SUPT3H: variants seen among roughly 807,000 people sequenced by gnomAD.
SUPT3H encodes transcription initiation protein SPT3 homolog.
SUPT3H carries 44 observed loss-of-function variants against 44.3 expected under a neutral mutation model. That is an observed-to-expected ratio of 0.99 (90% CI 0.78 to 1.28). The LOEUF (loss-of-function observed/expected upper bound fraction) is 1.28. Among genes scored for constraint, SUPT3H ranks in the 50% most tolerant of loss-of-function variants. SUPT3H has a pLI of 0.00. For missense variants in SUPT3H, 380 were observed against 387.1 expected (o/e 0.98, Z 0.15); for synonymous variants, 124 against 125.6 (o/e 0.99, Z 0.09).
chr6:45,084,657 T>C (rs981331505), intron 3 of SUPT3H, among the ~76,000 whole-genome samples: 5 of 152,128 alleles, frequency 3.3e-5, no homozygotes, highest in Admixed American at 3.3e-4. Flanking sequence ...AAACCACACA[T>C]GCACTCATGT....
At chr6:45,280,057 G>C (rs1386458337) in intron 2 of SUPT3H, among the ~76,000 whole-genome samples, 1 of 152,062 alleles carries the variant, frequency 6.6e-6, no homozygotes, top group Non-Finnish European at 1.5e-5. Context: ...AAATTATCTT[G>C]ACTCTTTTAA....
rs1803057422 is a variant in SUPT3H at position 45,129,420 on chromosome 6, C to G, written c.102-23414G>C. Reference sequence around the variant, plus strand: ...GATCTGGAATCAAGTCCTCGCACAACAAATTTCTAGTTATGTGGTCTCACA... The same window carrying G: ...GATCTGGAATCAAGTCCTCGCACAAGAAATTTCTAGTTATGTGGTCTCACA... On this transcript the variant is annotated intron_variant, in intron 2 of 10. Transcript: ENST00000371459. Among the ~76,000 whole-genome samples, 4 of 152,302 alleles carry G rather than the reference C, an allele frequency of 2.6e-5. 1 individual carries two copies. In the South Asian group the frequency reaches 8.3e-4, roughly 32 times the overall value.
chr6:45,162,324 G>A (rs1809134671), intron 2 of SUPT3H, among the ~76,000 whole-genome samples: 2 of 151,994 alleles, frequency 1.3e-5, no homozygotes, highest in African/African-American at 4.8e-5. Flanking sequence ...AGGAGTTTGA[G>A]GCAGGCCTGG....
intron 2 of SUPT3H, among the ~76,000 whole-genome samples, chr6:45,141,338 CAAAAAAAAA>C (rs1162738855): frequency 2.4e-4 from 11 of 45,284 alleles, no homozygotes; most frequent in South Asian, 1.6e-3. Flanking sequence ...GACTCCATCT[CAAAAAAAAA>C]AAAAAAAAAA....
At chr6:45,038,512 A>G (rs926461767) in intron 3 of SUPT3H, among the ~76,000 whole-genome samples, 1 of 152,158 alleles carries the variant, frequency 6.6e-6, no homozygotes, top group African/African-American at 2.4e-5. Flanking sequence ...AATGATTTCC[A>G]CTTCATCGTA....
At chr6:45,176,813 G>C (rs1361012362) in intron 2 of SUPT3H, among the ~76,000 whole-genome samples, 3 of 152,026 alleles carry the variant, frequency 2.0e-5, no homozygotes, top group Admixed American at 6.6e-5. Context: ...AGCAGGGGCA[G>C]ACTGACACAA....
Position 45,095,034 on chromosome 6 carries a change from G to A in SUPT3H, c.186+10888C>T, listed in dbSNP as rs778581017. On this transcript the variant is annotated intron_variant, in intron 3 of 10. Transcript: ENST00000371459. This position sits in a 1 kb window ranked among gnomAD's most constrained non-coding sequence, Gnocchi z 4.1. ...CTCCACAGTAGCAGACAGAAAGGCC[G>A]AGAATTTTTTCCCAGATGGTATTTG... Among the ~76,000 whole-genome samples, 7 of 152,148 alleles carry A rather than the reference G, an allele frequency of 4.6e-5. No individual in the cohort carries two copies. The highest frequency in any genetic ancestry group is 3.9e-4 in the East Asian group (2 of 5,170).
intron 2 of SUPT3H, among the ~76,000 whole-genome samples, chr6:45,228,749 G>C (rs1029145112): frequency 9.2e-5 from 14 of 152,004 alleles, no homozygotes; most frequent in African/African-American, 3.4e-4. Flanking sequence ...CCAGAGTTCA[G>C]GTGATTCTCC....
Position 44,869,615 on chromosome 6 carries a change from G to T in SUPT3H, c.913-39758C>A, listed in dbSNP as rs77822062. Among the ~76,000 whole-genome samples, 13 of 152,262 alleles carry T rather than the reference G, an allele frequency of 8.5e-5. No homozygotes were observed. The East Asian group carries it at 2.5e-3, about 29-fold the overall frequency. ...TTCTACCTACCTACCTAAATGCAAA[G>T]AAATATAAACCAAGTACACCCATGA... On this transcript the variant is annotated intron_variant, in intron 10 of 10. Coordinates refer to ENST00000371459, the MANE Select transcript of SUPT3H (RefSeq NM_003599.4).
At chr6:44,953,262 T>C in intron 9 of SUPT3H, 48 bp downstream of exon 9, 1 of 1,383,138 alleles carries the variant, frequency 7.2e-7, no homozygotes, top group South Asian at 1.2e-5. Context: ...ATACCAGATA[T>C]GTGTCAAAAT....
chr6:45,020,377 T>C (rs1053255045), intron 4 of SUPT3H, among the ~76,000 whole-genome samples, 169 bp downstream of exon 4: 19 of 151,994 alleles, frequency 1.3e-4, no homozygotes, highest in African/African-American at 3.4e-4. Context: ...ATAATAAATA[T>C]CAATTCTTTT....
At chr6:44,979,064 A>G (rs1414439462) in intron 6 of SUPT3H, among the ~76,000 whole-genome samples, 1 of 152,194 alleles carries the variant, frequency 6.6e-6, no homozygotes, top group Non-Finnish European at 1.5e-5. Context: ...TACAATTCTT[A>G]AGTAATACTC....
intron 10 of SUPT3H, chr6:44,898,563 AATC>A (rs1764460392): frequency 2.0e-5 from 3 of 152,254 alleles, no homozygotes; most frequent in Admixed American, 2.0e-4. Flanking sequence ...TGCCCACAGA[AATC>A]ACCATATAAG....
chr6:45,026,231 C>T (rs918624854), intron 3 of SUPT3H, among the ~76,000 whole-genome samples: 1 of 152,120 alleles, frequency 6.6e-6, no homozygotes, highest in African/African-American at 2.4e-5. Context: ...GAGATAACCT[C>T]AAAGGTCTTC....
chr6:45,022,125 T>C (rs1232827972), intron 3 of SUPT3H, among the ~76,000 whole-genome samples: 1 of 152,024 alleles, frequency 6.6e-6, no homozygotes, highest in Admixed American at 6.6e-5. Flanking sequence ...TATATATACA[T>C]TTGTCTGGAC....
At chr6:45,363,980 T>C (rs1794706910) in intron 2 of SUPT3H, among the ~76,000 whole-genome samples, 1 of 152,024 alleles carries the variant, frequency 6.6e-6, no homozygotes, top group Non-Finnish European at 1.5e-5. Context: ...CCGGGTGTGG[T>C]GGCATACCTC....
intron 2 of SUPT3H, among the ~76,000 whole-genome samples, chr6:45,300,206 G>A (rs1046975447): frequency 5.3e-5 from 8 of 152,136 alleles, no homozygotes; most frequent in African/African-American, 1.9e-4. Flanking sequence ...TTCTATGCAA[G>A]TCTTATAAAA....
intron 2 of SUPT3H, among the ~76,000 whole-genome samples, chr6:45,279,066 T>C (rs762890930): frequency 6.6e-6 from 1 of 152,214 alleles, no homozygotes; most frequent in Non-Finnish European, 1.5e-5. Flanking sequence ...TGTCACCTAA[T>C]TAAAATTTTT....
chr6:45,204,182 G>C (rs1012555011), intron 2 of SUPT3H, among the ~76,000 whole-genome samples: 1 of 151,278 alleles, frequency 6.6e-6, no homozygotes, highest in African/African-American at 2.4e-5. Context: ...AGGAGGTGGA[G>C]GTTGCAGTGA....
Sources: allele counts gnomAD v4.1 joint callset (sites outside exome capture counted in the v4.1 genomes callset), GRCh38; gene constraint gnomAD v4.1.1; non-coding constraint Gnocchi (gnomAD v3.1); transcripts MANE v1.5; gene names NCBI Gene and HGNC (gene_info 2026-07-23, HGNC 2026-07-21).